Variants in ACAT2 observed in about 807,000 individuals in gnomAD.
ACAT2 encodes the protein acetyl-CoA acetyltransferase, cytosolic.
Under a neutral mutation model 37.1 loss-of-function variants are expected in ACAT2, and 26 were observed. The ratio of observed to expected loss-of-function variants is 0.70; its 90% CI spans 0.51 to 0.97. ACAT2 has a LOEUF of 0.97. Among genes scored for constraint, ACAT2 ranks in the 50% least tolerant of loss-of-function variants. The pLI, the probability that ACAT2 is intolerant of heterozygous loss-of-function variation, is 0.00. For synonymous variants in ACAT2, 156 were observed against 163.6 expected (o/e 0.95, Z 0.35); for missense variants, 468 against 489.0 (o/e 0.96, Z 0.40).
Position 159,778,984 on chromosome 6 carries a change from A to G in ACAT2, c.*155A>G. ...CTTGTACTTTACTTTAATGTGTAAT[A>G]CTCAACTCAAGGTACAAGACAATTG... is the stretch of plus-strand genomic sequence containing the variant. On this transcript the variant is annotated 3_prime_UTR_variant, in exon 9 of 9. Transcript: ENST00000367048. 6.4e-7 allele frequency: 1 copy of G among 1,570,968 alleles called. No homozygotes were observed. Among genetic ancestry groups the G allele is most frequent in the South Asian group, 1.2e-5 (1 of 86,160 alleles).
At chr6:159,765,988 G>A (rs1282363353) in intron 2 of ACAT2, among the ~76,000 whole-genome samples, 1 of 152,154 alleles carries the variant, frequency 6.6e-6, no homozygotes, top group East Asian at 1.9e-4. Context: ...ATTTACCATT[G>A]ACTCTGATAA....
chr6:159,765,752 G>A (rs1026396541), intron 2 of ACAT2, among the ~76,000 whole-genome samples: 1 of 152,096 alleles, frequency 6.6e-6, no homozygotes, highest in Non-Finnish European at 1.5e-5. Context: ...ACCGCACTGG[G>A]CCTGTCTTTT....
rs745538019 is a variant in ACAT2, at chr6:159,762,935, C to T, written c.72C>T (p.Ala24=). The part of the protein sequence containing the change: ...ARTIIGSFNG[A]LAAVPVQDLG... ...CTATTGTAGGTTCCTTCAATGGTGCCTTAGCTGCTGTTCCTGTCCAGGACC... is the reference window on the plus strand; with the variant it reads ...CTATTGTAGGTTCCTTCAATGGTGCTTTAGCTGCTGTTCCTGTCCAGGACC... The change falls in exon 2 of 9, where the codon GCC becomes GCT. Residue 24 remains alanine (A), a synonymous_variant. Coordinates refer to ENST00000367048, the MANE Select transcript of ACAT2 (RefSeq NM_005891.3). The T allele has an allele frequency of 3.1e-6, 5 of 1,613,138 alleles. No individual in the cohort carries two copies. Among genetic ancestry groups the T allele is most frequent in the Middle Eastern group, 1.7e-4 (1 of 6,056 alleles).
At chr6:159,771,149 A>G (rs945736649) in intron 4 of ACAT2, among the ~76,000 whole-genome samples, 1 of 152,218 alleles carries the variant, frequency 6.6e-6, no homozygotes, top group African/African-American at 2.4e-5. Context: ...TGGGAGGTCA[A>G]TGCAGGCAGA....
Position 159,779,106 on chromosome 6 carries a change from C to A in ACAT2, c.*277C>A. ...ATAACTTCCATGTTTATCATCTTTACTTTCTGGATGTAATTTAATAAGATC... is the reference window on the plus strand; with the variant it reads ...ATAACTTCCATGTTTATCATCTTTAATTTCTGGATGTAATTTAATAAGATC... On this transcript the variant is annotated 3_prime_UTR_variant, in exon 9 of 9. Coordinates refer to ENST00000367048, the MANE Select transcript of ACAT2 (RefSeq NM_005891.3). 6.2e-7 allele frequency: 1 copy of A among 1,614,056 alleles called. No individual in the cohort carries two copies. The highest frequency in any genetic ancestry group is 8.5e-7 in the Non-Finnish European group (1 of 1,179,966).
chr6:159,776,371 T>G (rs932373819), intron 6 of ACAT2, 99 bp downstream of exon 6: 4 of 1,396,922 alleles, frequency 2.9e-6, no homozygotes, highest in Admixed American at 2.7e-5. Context: ...TACTATTTTT[T>G]GGGACAGGGA....
chr6:159,772,346 A>G (rs9347343), intron 4 of ACAT2, among the ~76,000 whole-genome samples: 3 of 152,172 alleles, frequency 2.0e-5, no homozygotes, highest in Middle Eastern at 3.2e-3. Context: ...AACATTACCT[A>G]TAAAGCTGTT....
At position 159,762,385 on chromosome 6, in the gene ACAT2, T is replaced by C. The variant is rs1055335592; in HGVS notation, c.55+243T>C. On this transcript the variant is annotated intron_variant, in intron 1 of 8. Coordinates refer to ENST00000367048, the MANE Select transcript of ACAT2 (RefSeq NM_005891.3). ...CTCGTGCTTGGATTGGCTCCCGGGGTAGAGCCATCGCGTGGCCTGCCTCTC... is the reference window on the plus strand; with the variant it reads ...CTCGTGCTTGGATTGGCTCCCGGGGCAGAGCCATCGCGTGGCCTGCCTCTC... 22 of 1,352,310 alleles carry C rather than the reference T, an allele frequency of 1.6e-5. 1 individual carries two copies. The Admixed American group carries it at 4.5e-4, about 28-fold the overall frequency. 83.8% of individuals were successfully genotyped at this position (1,352,310 alleles called of 1,614,324 possible).
At chr6:159,767,703 A>C (rs1780276248) in intron 3 of ACAT2, among the ~76,000 whole-genome samples, 1 of 152,198 alleles carries the variant, frequency 6.6e-6, no homozygotes, top group Non-Finnish European at 1.5e-5. Flanking sequence ...ATAGTGGTTG[A>C]AAGAAAAACT....
At chr6:159,770,798 C>T (rs989734968) in intron 4 of ACAT2, among the ~76,000 whole-genome samples, 2 of 152,238 alleles carry the variant, frequency 1.3e-5, no homozygotes, top group Non-Finnish European at 2.9e-5. Flanking sequence ...GGCACGGTAG[C>T]TCACGCTTGT....
At position 159,778,193 on chromosome 6, in the gene ACAT2, GGAA is replaced by G. The variant is rs1583134409; in HGVS notation, c.939_941del (p.Glu313del). On this transcript the variant is annotated inframe_deletion, in exon 8 of 9. Coordinates refer to ENST00000367048, the MANE Select transcript of ACAT2 (RefSeq NM_005891.3). ...AGGTTACAAAAGCAGGTTGGTCACT[GGAA>G]GATGTTGACATATTTGAAATCAATG... 1 of 1,612,238 alleles carries G rather than the reference GGAA, an allele frequency of 6.2e-7. No individual in the cohort carries two copies. The highest frequency in any genetic ancestry group is 1.3e-5 in the African/African-American group (1 of 74,800).
intron 4 of ACAT2, among the ~76,000 whole-genome samples, chr6:159,771,161 C>A (rs1201593925): frequency 6.6e-6 from 1 of 152,178 alleles, no homozygotes; most frequent in Non-Finnish European, 1.5e-5. Flanking sequence ...GCAGGCAGAT[C>A]ACCTGAGGTC....
In ACAT2 at chr6:159,762,098, G is replaced by T. The variant is rs771049313; in HGVS notation, c.11G>T (p.Gly4Val). Reference sequence around the variant, plus strand: ...GGCAGGAGAAGCAAGATGAATGCAGGCTCAGATCCTGTGGTCATCGTCTCG... The same window carrying T: ...GGCAGGAGAAGCAAGATGAATGCAGTCTCAGATCCTGTGGTCATCGTCTCG... Reference protein sequence around the residue: MNAGSDPVVIVSAA... With the variant: MNAVSDPVVIVSAA... Residue 4 changes from glycine (G) to valine (V), a missense_variant, in exon 1 of 9, where the codon GGC (glycine) becomes GTC (valine). Transcript: ENST00000367048. 1.5e-5 allele frequency: 25 copies of T among 1,613,278 alleles called. No homozygotes were observed. Among genetic ancestry groups the T allele is most frequent in the Non-Finnish European group, 2.0e-5 (24 of 1,179,610 alleles).
At chr6:159,770,152 T>C (rs1162210057) in intron 4 of ACAT2, among the ~76,000 whole-genome samples, 1 of 152,216 alleles carries the variant, frequency 6.6e-6, no homozygotes, top group Non-Finnish European at 1.5e-5. Flanking sequence ...TTTGCCAGTA[T>C]TTTGACTGCT....
chr6:159,778,076 T>G (rs1780463476), intron 7 of ACAT2, 94 bp from the exon 8 acceptor site: 2 of 789,610 alleles, frequency 2.5e-6, no homozygotes, highest in Admixed American at 2.6e-5. Flanking sequence ...CAGTTACCAG[T>G]ATCATGCAGC....
At position 159,767,157 on chromosome 6, in the gene ACAT2, G is replaced by A; in HGVS notation, c.343G>A (p.Val115Ile). 2 of 1,614,228 alleles carry A rather than the reference G, an allele frequency of 1.2e-6. No homozygotes were observed. Among genetic ancestry groups the A allele is most frequent in the Non-Finnish European group, 1.7e-6 (2 of 1,180,040 alleles). The change falls in exon 3 of 9, where the codon GTT (valine) becomes ATT (isoleucine). Residue 115 changes from valine to isoleucine, a missense_variant. Coordinates refer to ENST00000367048, the MANE Select transcript of ACAT2 (RefSeq NM_005891.3). ...AGGGATAGGAGACTCCAGCATTGTG[G>A]TTGCAGGAGGCATGGAAAATATGAG... ...SIGIGDSSIV[V>I]AGGMENMSKA...
At chr6:159,772,730 G>A (rs546106069) in intron 4 of ACAT2, among the ~76,000 whole-genome samples, 1 of 151,620 alleles carries the variant, frequency 6.6e-6, no homozygotes, top group South Asian at 2.1e-4. Flanking sequence ...GTTTGAGGTT[G>A]TATAGTATAC....
intron 6 of ACAT2, among the ~76,000 whole-genome samples, chr6:159,776,813 G>A (rs1780424629): frequency 1.3e-5 from 2 of 151,926 alleles, no homozygotes; most frequent in Admixed American, 1.3e-4. Context: ...TTTTGAGACG[G>A]AGCCTCACTC....
intron 2 of ACAT2, 65 bp downstream of exon 2, chr6:159,763,118 ACACACACTCTCACACACT>A: frequency 6.5e-7 from 1 of 1,548,344 alleles, no homozygotes; most frequent in Non-Finnish European, 8.7e-7. Flanking sequence ...ACACACACAC[ACACACACTCTCACACACT>A]CACACACTCT....
Sources: gnomAD v4.1 joint callset for allele counts (sites outside exome capture counted in the v4.1 genomes callset) on GRCh38, gnomAD v4.1.1 for gene constraint, MANE v1.5 for transcripts, NCBI Gene and HGNC (gene_info 2026-07-23, HGNC 2026-07-21) for gene names.